Variants in ZBTB38 observed in about 807,000 individuals in gnomAD.
ZBTB38 encodes the protein zinc finger and BTB domain-containing protein 38.
Under a neutral mutation model 76.8 loss-of-function variants are expected in ZBTB38, and 20 were observed. That is an observed-to-expected ratio of 0.26 (90% CI 0.18 to 0.38). The LOEUF (loss-of-function observed/expected upper bound fraction) is 0.38, where lower values mean the gene tolerates loss of function less well. Ranked by LOEUF, ZBTB38 falls within the 10% of genes least tolerant of loss-of-function variation. The pLI, the probability that ZBTB38 is intolerant of heterozygous loss-of-function variation, is 1.00. For missense variants in ZBTB38, 1,082 were observed against 1,482.3 expected, an observed-to-expected ratio of 0.73 and a Z score of 4.43; for synonymous variants, 504 against 544.2, an observed-to-expected ratio of 0.93 and a Z score of 1.03.
chr3:141,340,465 A>G (rs1943140074), intron 1 of ZBTB38, among the ~76,000 whole-genome samples: 1 of 152,204 alleles, frequency 6.6e-6, no homozygotes, highest in Non-Finnish European at 1.5e-5. Flanking sequence ...ACAAGGGGAG[A>G]AAATTTTGCA....
rs557134841 is a variant in ZBTB38, at chr3:141,421,170, G to A, written c.-1+17139G>A. Among the ~76,000 whole-genome samples the A allele has an allele frequency of 2.6e-4, 39 of 152,204 alleles. 2 individuals carry two copies. The South Asian group carries it at 7.9e-3, about 31-fold the overall frequency. On this transcript the variant is annotated intron_variant, in intron 5 of 5. Transcript: ENST00000321464. ...ACTCCGTTTTATAGATGAGGAAACTGAGGCTTACAGTGAGGTCAACCACTT... is the reference window on the plus strand; with the variant it reads ...ACTCCGTTTTATAGATGAGGAAACTAAGGCTTACAGTGAGGTCAACCACTT...
chr3:141,391,544 G>A (rs1948878992), intron 4 of ZBTB38, among the ~76,000 whole-genome samples: 2 of 152,152 alleles, frequency 1.3e-5, no homozygotes, highest in Admixed American at 1.3e-4. Context: ...ACCCCGTCAC[G>A]ACCCTGAAAC....
chr3:141,333,289 C>G (rs1942908207), intron 1 of ZBTB38, among the ~76,000 whole-genome samples: 1 of 152,154 alleles, frequency 6.6e-6, no homozygotes. Context: ...AGACCTAGGA[C>G]AGCAAGTCAG....
At chr3:141,439,083 TC>T (rs1429186156) in intron 5 of ZBTB38, among the ~76,000 whole-genome samples, 2 of 152,168 alleles carry the variant, frequency 1.3e-5, no homozygotes, top group Non-Finnish European at 2.9e-5. Context: ...TACTTACTCT[TC>T]TAACATTTTA....
chr3:141,366,510 A>G (rs1943972193), upstream of ZBTB38: 1 of 152,268 alleles, frequency 6.6e-6, no homozygotes, highest in South Asian at 2.1e-4. Context: ...TCCCTTGATT[A>G]AAAGCATGTA....
rs928615110 is a variant in ZBTB38 at position 141,449,512 on chromosome 3, CTA to C, written c.*3538_*3539del. The C allele has an allele frequency of 5.9e-5, 9 of 152,162 alleles. No homozygotes were observed. The highest frequency in any genetic ancestry group is 2.2e-4 in the African/African-American group (9 of 41,446). 9.4% of individuals were successfully genotyped at this position (152,162 alleles called of 1,614,324 possible). A position where few individuals can be genotyped will look rare whatever the true frequency, so the allele number is the denominator to read the frequency against. On this transcript the variant is annotated 3_prime_UTR_variant, in exon 6 of 6. Transcript: ENST00000321464. ...TCTACTCCTAAACTTAGCTAACTAA[CTA>C]TCTTGCAAATGCCTGCAGTTTGTCC... is the stretch of plus-strand genomic sequence containing the variant.
chr3:141,399,349 A>C (rs1387610136), intron 4 of ZBTB38, among the ~76,000 whole-genome samples: 1 of 152,102 alleles, frequency 6.6e-6, no homozygotes, highest in Non-Finnish European at 1.5e-5. Flanking sequence ...AGTTTCACAC[A>C]TTTATCTGCC....
At chr3:141,362,594 A>T (rs1361745313) in intron 1 of ZBTB38, among the ~76,000 whole-genome samples, 2 of 152,134 alleles carry the variant, frequency 1.3e-5, no homozygotes, top group African/African-American at 4.8e-5. Flanking sequence ...GCCCACTAAC[A>T]AGAGTTCTGG....
intron 2 of ZBTB38, among the ~76,000 whole-genome samples, chr3:141,374,008 T>A (rs989291241): frequency 2.6e-5 from 4 of 151,792 alleles, no homozygotes; most frequent in African/African-American, 9.7e-5. Flanking sequence ...CACATGCCTG[T>A]AATCCCAGCT....
intron 1 of ZBTB38, among the ~76,000 whole-genome samples, chr3:141,349,686 T>C (rs1157300281): frequency 6.6e-6 from 1 of 152,020 alleles, no homozygotes; most frequent in Non-Finnish European, 1.5e-5. Flanking sequence ...GCTGAGATCA[T>C]GCCACTGCAC....
rs2081023589 is a variant in ZBTB38 at position 141,445,751 on chromosome 3, T to C, written c.3363T>C (p.Asn1121=). 13 of 1,614,206 alleles carry C rather than the reference T, an allele frequency of 8.1e-6. No homozygotes were observed. The highest frequency in any genetic ancestry group is 1.1e-5 in the Non-Finnish European group (13 of 1,180,022). ...AGCAGAGGCATATTCGGGAGCATAA[T>C]GGGAAGGGCTATGCCTGCTTCCAGT... ...NHEQRHIREH[N]GKGYACFQCP... The change falls in exon 6 of 6, where the codon AAT becomes AAC. Residue 1121 remains asparagine, a synonymous_variant. Coordinates refer to ENST00000321464, the MANE Select transcript of ZBTB38 (RefSeq NM_001376113.1). The surrounding 1 kb of genome is among the most constrained non-coding windows in gnomAD (Gnocchi z 6.5).
chr3:141,339,458 C>T (rs1020170324), intron 1 of ZBTB38, among the ~76,000 whole-genome samples: 4 of 152,120 alleles, frequency 2.6e-5, no homozygotes, highest in African/African-American at 9.7e-5. Flanking sequence ...TTTAAGGACA[C>T]AAAGTAGGAG....
chr3:141,366,906 T>C (rs1943992055), upstream of ZBTB38: 1 of 152,254 alleles, frequency 6.6e-6, no homozygotes, highest in Non-Finnish European at 1.5e-5. Context: ...TGGGCCCAGA[T>C]ACCCCGATAA....
chr3:141,338,690 G>T (rs371704584), intron 1 of ZBTB38, among the ~76,000 whole-genome samples: 1 of 152,118 alleles, frequency 6.6e-6, no homozygotes, highest in Non-Finnish European at 1.5e-5. Flanking sequence ...CTTCCTATCA[G>T]GTACTATGCT....
chr3:141,361,451 A>G (rs534035926), intron 1 of ZBTB38, among the ~76,000 whole-genome samples: 2 of 152,340 alleles, frequency 1.3e-5, no homozygotes, highest in African/African-American at 4.8e-5. Context: ...GGTTTTATAT[A>G]GATAACAGAA....
intron 1 of ZBTB38, among the ~76,000 whole-genome samples, chr3:141,360,444 C>T (rs1943787522): frequency 6.6e-6 from 1 of 152,122 alleles, no homozygotes; most frequent in Non-Finnish European, 1.5e-5. Context: ...TAATACAGTT[C>T]GGCCTAATCA....
chr3:141,445,060 T>C lies in ZBTB38; in HGVS notation c.2672T>C (p.Leu891Pro). ...PEPSGDSPLG[L>P]CQSECMEMSE... ...CCCAGTGGAGACAGCCCACTCGGGC[T>C]TTGCCAATCCGAGTGCATGGAGATG... Residue 891 changes from leucine to proline, a missense_variant, in exon 6 of 6, where the codon CTT becomes CCT. This residue lies in a region of ZBTB38 where 471 missense variants were observed against 581.0 expected (regional missense o/e 0.81). Transcript: ENST00000321464. The surrounding 1 kb of genome is among the most constrained non-coding windows in gnomAD (Gnocchi z 6.5). 6.2e-6 allele frequency: 10 copies of C among 1,614,130 alleles called. No homozygotes were observed. The highest frequency in any genetic ancestry group is 8.5e-6 in the Non-Finnish European group (10 of 1,180,016).
chr3:141,341,210 T>C (rs1199356389), intron 1 of ZBTB38, among the ~76,000 whole-genome samples: 1 of 152,246 alleles, frequency 6.6e-6, no homozygotes, highest in South Asian at 2.1e-4. Context: ...CTGGTGGGAC[T>C]GTAAAACAGT....
chr3:141,440,377 A>G (rs1450253548), intron 5 of ZBTB38, among the ~76,000 whole-genome samples: 1 of 152,246 alleles, frequency 6.6e-6, no homozygotes, highest in African/African-American at 2.4e-5. Flanking sequence ...TCCTTGTATA[A>G]AGGACACTAA....
Sources: allele counts gnomAD v4.1 joint callset (sites outside exome capture counted in the v4.1 genomes callset), GRCh38; gene constraint gnomAD v4.1.1; regional missense constraint gnomAD v4.1.1; non-coding constraint Gnocchi (gnomAD v3.1); transcripts MANE v1.5; gene names NCBI Gene and HGNC (gene_info 2026-07-23, HGNC 2026-07-21).